CNDP1: variants seen among roughly 807,000 people sequenced by gnomAD.
CNDP1 encodes beta-Ala-His dipeptidase.
A neutral mutation model predicts 58.1 loss-of-function variants in CNDP1; 44 were observed. The ratio of observed to expected loss-of-function variants is 0.76; its 90% CI spans 0.60 to 0.97. The LOEUF (loss-of-function observed/expected upper bound fraction) is 0.97. Ranked by LOEUF, CNDP1 falls within the 50% of genes least tolerant of loss-of-function variation. CNDP1 has a pLI of 0.00. For missense variants in CNDP1, 616 were observed against 655.1 expected, an observed-to-expected ratio of 0.94 and a Z score of 0.65; for synonymous variants, 254 against 252.6, an observed-to-expected ratio of 1.01 and a Z score of -0.05.
At chr18:74,559,592 A>C in intron 3 of CNDP1, 120 bp downstream of exon 3, 10 of 842,394 alleles carry the variant, frequency 1.2e-5, no homozygotes, top group South Asian at 1.9e-5. Context: ...CATAACCCCA[A>C]TTCCCAATGA....
intron 1 of CNDP1, among the ~76,000 whole-genome samples, chr18:74,550,742 ATTT>A (rs34869467): frequency 6.8e-6 from 1 of 146,024 alleles, no homozygotes. Context: ...ACGCCCGACT[ATTT>A]TTTTTTTTTG....
intron 10 of CNDP1, among the ~76,000 whole-genome samples, chr18:74,580,622 C>A (rs915427038): frequency 2.6e-5 from 4 of 152,162 alleles, no homozygotes; most frequent in Admixed American, 2.6e-4. Context: ...ACCCCCTCCC[C>A]CTGAATACAA....
chr18:74,562,512 T>C (rs1195103493), intron 5 of CNDP1, among the ~76,000 whole-genome samples: 1 of 152,240 alleles, frequency 6.6e-6, no homozygotes, highest in Non-Finnish European at 1.5e-5. Context: ...TTTTAAGCCT[T>C]CTTTTTCTTC....
At chr18:74,573,501 A>G (rs1336117337) in intron 7 of CNDP1, among the ~76,000 whole-genome samples, 2 of 140,870 alleles carry the variant, frequency 1.4e-5, no homozygotes, top group Non-Finnish European at 3.1e-5. Flanking sequence ...ATGGCCTTCT[A>G]GTTTTCCTGA....
chr18:74,579,187 T>TC (rs1360226154), intron 9 of CNDP1, among the ~76,000 whole-genome samples: 87 of 78,510 alleles, frequency 1.1e-3, no homozygotes, highest in Middle Eastern at 0.013. Context: ...CCTTCTCCCT[T>TC]TCCTTCCCTT....
rs775508385 is a variant in CNDP1, at chr18:74,559,328, G to A, written c.159G>A (p.Leu53=). ...CTGCTTGCTCTTCCTCCTAGACGCT[G>A]AAGGAGTGGGTGGCCATCGAGAGCG... ...DLHQDEFVQT[L]KEWVAIESDS... Residue 53 remains leucine, a synonymous_variant, in exon 3 of 12, where the codon CTG becomes CTA. Coordinates refer to ENST00000358821, the MANE Select transcript of CNDP1 (RefSeq NM_032649.6). 5.3e-5 allele frequency: 85 copies of A among 1,614,098 alleles called. No homozygotes were observed. The highest frequency in any genetic ancestry group is 4.6e-4 in the South Asian group (42 of 91,066).
rs1317103298 is a variant in CNDP1 at position 74,545,218 on chromosome 18, C to T, written c.24+10527C>T. Among the ~76,000 whole-genome samples, 1 of 152,208 alleles carries T rather than the reference C, an allele frequency of 6.6e-6. No homozygotes were observed. Among genetic ancestry groups the T allele is most frequent in the African/African-American group, 2.4e-5 (1 of 41,448 alleles). ...AAGCTAGTGGAGACCGATGGGAAAGCCCCGCCCTCTCCTCGAATCTGCCTT... is the reference window on the plus strand; with the variant it reads ...AAGCTAGTGGAGACCGATGGGAAAGTCCCGCCCTCTCCTCGAATCTGCCTT... On this transcript the variant is annotated intron_variant, in intron 1 of 11. Transcript: ENST00000358821. The surrounding 1 kb of genome is among the most constrained non-coding windows in gnomAD (Gnocchi z 4.1).
intron 9 of CNDP1, 58 bp downstream of exon 9, chr18:74,578,385 C>A: frequency 6.6e-7 from 1 of 1,504,664 alleles, no homozygotes; most frequent in Non-Finnish European, 9.1e-7. Flanking sequence ...CTGAATCCCG[C>A]ACATCACGGC....
rs879347983 is a variant in CNDP1, at chr18:74,584,871, A to G, written c.*309A>G. The G allele has an allele frequency of 7.4e-6, 2 of 269,904 alleles. No individual in the cohort carries two copies. Among genetic ancestry groups the G allele is most frequent in the Non-Finnish European group, 7.1e-6 (1 of 141,534 alleles). 16.7% of individuals were successfully genotyped at this position (269,904 alleles called of 1,614,324 possible). A position where few individuals can be genotyped will look rare whatever the true frequency, so the allele number is the denominator to read the frequency against. ...CTTCAAACCTTTTAGCATATCTCCA[A>G]CCTTGCAATTTGATTGGCATAATCA... On this transcript the variant is annotated 3_prime_UTR_variant, in exon 12 of 12. Coordinates refer to ENST00000358821, the MANE Select transcript of CNDP1 (RefSeq NM_032649.6).
At chr18:74,584,329 A>G in intron 11 of CNDP1, 167 bp from the exon 12 acceptor site, 1 of 591,630 alleles carries the variant, frequency 1.7e-6, no homozygotes, top group East Asian at 2.8e-5. Context: ...TGCAATTTTC[A>G]CATGGAACTT....
At chr18:74,577,585 G>A (rs185480349) in intron 8 of CNDP1, 1 of 152,758 alleles carries the variant, frequency 6.5e-6, no homozygotes, top group Non-Finnish European at 1.5e-5. Flanking sequence ...GTGTTTGGTA[G>A]CTAGGGCTGG....
Position 74,556,396 on chromosome 18 carries a change from C to T in CNDP1, c.83C>T (p.Pro28Leu). 1 of 1,614,136 alleles carries T rather than the reference C, an allele frequency of 6.2e-7. No individual in the cohort carries two copies. The highest frequency in any genetic ancestry group is 8.5e-7 in the Non-Finnish European group (1 of 1,179,974). Residue 28 changes from proline (P) to leucine (L), a missense_variant, in exon 2 of 12, where the codon CCC becomes CTC. Pro to Leu is a moderately conservative substitution (Grantham distance 98, BLOSUM62 -3). Transcript: ENST00000358821. ...CTGGAGCGCGGCATGTTCTCCTCAC[C>T]CTCCCCGCCCCCGGCGCTGTTAGAG... is the stretch of plus-strand genomic sequence containing the variant. Reference protein sequence around the residue: ...LLLERGMFSSPSPPPALLEKV... With the variant: ...LLLERGMFSSLSPPPALLEKV...
intron 1 of CNDP1, among the ~76,000 whole-genome samples, chr18:74,538,485 G>C (rs1042956490): frequency 2.0e-5 from 3 of 152,170 alleles, no homozygotes; most frequent in African/African-American, 7.2e-5. Flanking sequence ...TATGAATAAT[G>C]CTGCTATAAA....
At chr18:74,540,639 C>T (rs1980597820) in intron 1 of CNDP1, among the ~76,000 whole-genome samples, 1 of 152,198 alleles carries the variant, frequency 6.6e-6, no homozygotes. Context: ...GTAACCTACT[C>T]ATCCTGGCTG....
In CNDP1 at chr18:74,580,123, CT is replaced by C. The variant is rs753102206; in HGVS notation, c.1168-3del. The C allele has an allele frequency of 6.2e-7, 1 of 1,610,826 alleles. No individual in the cohort carries two copies. Among genetic ancestry groups the C allele is most frequent in the Admixed American group, 1.7e-5 (1 of 59,606 alleles). ...TTTCTCTTATCATTGAAAATGTCACCTTTTAGGTGACACGACATCTTGAAGA... is the reference window on the plus strand; with the variant it reads ...TTTCTCTTATCATTGAAAATGTCACCTTTAGGTGACACGACATCTTGAAGA... On this transcript the variant is annotated splice_region_variant and splice_polypyrimidine_tract_variant and intron_variant, in intron 9 of 11. Coordinates refer to ENST00000358821, the MANE Select transcript of CNDP1 (RefSeq NM_032649.6).
chr18:74,547,135 C>T (rs774380249), intron 1 of CNDP1, among the ~76,000 whole-genome samples: 1 of 152,202 alleles, frequency 6.6e-6, no homozygotes, highest in Non-Finnish European at 1.5e-5. Context: ...TCCAGAAAAA[C>T]CCATTTTTGT....
intron 1 of CNDP1, among the ~76,000 whole-genome samples, chr18:74,554,821 A>G (rs1980994648): frequency 6.6e-6 from 1 of 152,248 alleles, no homozygotes; most frequent in African/African-American, 2.4e-5. Context: ...ACCTTTAAAA[A>G]GATCACCCAG....
intron 9 of CNDP1, among the ~76,000 whole-genome samples, chr18:74,578,820 G>T: frequency 6.6e-6 from 1 of 152,106 alleles, no homozygotes. Context: ...AAAGTCTCAG[G>T]CCTCAATCAT....
At chr18:74,559,526 T>G in intron 3 of CNDP1, 54 bp downstream of exon 3, 2 of 1,551,270 alleles carry the variant, frequency 1.3e-6, no homozygotes, top group Non-Finnish European at 1.7e-6. Flanking sequence ...ACGTCAGTCA[T>G]GCCTTCCCGG....
Sources: gnomAD v4.1 joint callset for allele counts (sites outside exome capture counted in the v4.1 genomes callset) on GRCh38, gnomAD v4.1.1 for gene constraint, Gnocchi (gnomAD v3.1) non-coding constraint, MANE v1.5 for transcripts, NCBI Gene and HGNC (gene_info 2026-07-23, HGNC 2026-07-21) for gene names.